The following CTNND2 variants were observed in gnomAD, a reference collection of about 807,000 sequenced individuals.
CTNND2 encodes the protein catenin delta-2.
Under a neutral mutation model 144.4 loss-of-function variants are expected in CTNND2, and 22 were observed. That is an observed-to-expected ratio of 0.15 (90% CI 0.11 to 0.22). The LOEUF is 0.22. CTNND2 is among the 10% of genes least tolerant of loss of function. CTNND2 has a pLI of 1.00. For synonymous variants in CTNND2, 751 were observed against 695.6 expected (o/e 1.08, Z -1.25); for missense variants, 1,353 against 1,618.8 (o/e 0.84, Z 2.82).
chr5:11,036,572 C>T (rs1025855943), intron 16 of CTNND2, among the ~76,000 whole-genome samples: 1 of 152,170 alleles, frequency 6.6e-6, no homozygotes. Flanking sequence ...AGGTGCCCAC[C>T]ACCAAGCCTG....
chr5:11,520,479 G>A (rs951213328), intron 3 of CTNND2, among the ~76,000 whole-genome samples: 13 of 152,246 alleles, frequency 8.5e-5, no homozygotes, highest in Non-Finnish European at 1.6e-4. Context: ...TGGGGGCAGA[G>A]TGAGGTGCGT....
At chr5:11,095,628 C>A (rs1165895014) in intron 15 of CTNND2, among the ~76,000 whole-genome samples, 1 of 152,190 alleles carries the variant, frequency 6.6e-6, no homozygotes, top group Non-Finnish European at 1.5e-5. Flanking sequence ...CCATAAGGGG[C>A]GTACAGACTA....
At chr5:10,993,362 A>G (rs1738926436) in intron 18 of CTNND2, among the ~76,000 whole-genome samples, 1 of 152,248 alleles carries the variant, frequency 6.6e-6, no homozygotes, top group Non-Finnish European at 1.5e-5. Flanking sequence ...GTGAATTTAC[A>G]AAGCATAAAG....
At chr5:11,129,955 A>G (rs1490269708) in intron 12 of CTNND2, among the ~76,000 whole-genome samples, 2 of 152,122 alleles carry the variant, frequency 1.3e-5, no homozygotes, top group African/African-American at 4.8e-5. Context: ...CTCTCTCTCC[A>G]TATGTGTTTT....
At position 11,410,728 on chromosome 5, in the gene CTNND2, G is replaced by A. The variant is rs1448507196; in HGVS notation, c.439+808C>T. Among the ~76,000 whole-genome samples, 3 of 152,070 alleles carry A rather than the reference G, an allele frequency of 2.0e-5. No homozygotes were observed. The East Asian group carries it at 5.8e-4, about 29-fold the overall frequency. ...ATGCAAGATGGTTAAATACAGAAAT[G>A]TAAGAATTTATTGCATAGTACCTTA... On this transcript the variant is annotated intron_variant, in intron 5 of 21. Coordinates refer to ENST00000304623, the MANE Select transcript of CTNND2 (RefSeq NM_001332.4).
intron 2 of CTNND2, among the ~76,000 whole-genome samples, chr5:11,663,418 C>T (rs1295099979): frequency 6.6e-6 from 1 of 152,100 alleles, no homozygotes; most frequent in African/African-American, 2.4e-5. Context: ...AGTTATATAA[C>T]TATTAAGGTG....
intron 2 of CTNND2, among the ~76,000 whole-genome samples, chr5:11,691,433 G>A (rs1784906044): frequency 2.0e-5 from 3 of 151,110 alleles, no homozygotes; most frequent in Admixed American, 2.0e-4. Context: ...GAAATGATAT[G>A]TCTGGCTAAC....
At position 10,987,973 on chromosome 5, in the gene CTNND2, C is replaced by G. The variant is rs540761305; in HGVS notation, c.3343+138G>C. 282 of 1,081,466 alleles carry G rather than the reference C, an allele frequency of 2.6e-4. 1 individual carries two copies. The African/African-American group carries it at 3.8e-3, about 15-fold the overall frequency. 67.0% of individuals were successfully genotyped at this position (1,081,466 alleles called of 1,614,324 possible). A position where few individuals can be genotyped will look rare whatever the true frequency, so the allele number is the denominator to read the frequency against. ...TCTTGGAAATCATCATTATCAAGCTCTCAAGTGACTGGACAGCTGCTAAGT... is the reference window on the plus strand; with the variant it reads ...TCTTGGAAATCATCATTATCAAGCTGTCAAGTGACTGGACAGCTGCTAAGT... On this transcript the variant is annotated intron_variant, in intron 20 of 21. Transcript: ENST00000304623.
At chr5:11,763,965 T>C (rs1789431001) in intron 1 of CTNND2, among the ~76,000 whole-genome samples, 1 of 151,910 alleles carries the variant, frequency 6.6e-6, no homozygotes. Context: ...GTGAATATAT[T>C]ATGTTAAATG....
chr5:11,014,323 G>C (rs956735690), intron 18 of CTNND2, among the ~76,000 whole-genome samples: 2 of 152,062 alleles, frequency 1.3e-5, no homozygotes, highest in Admixed American at 1.3e-4. Context: ...TAAGTCCCAA[G>C]GTTCTAAAAA....
At chr5:11,439,574 T>A (rs1764062699) in intron 3 of CTNND2, among the ~76,000 whole-genome samples, 3 of 152,114 alleles carry the variant, frequency 2.0e-5, no homozygotes. Flanking sequence ...ACTCTGTTGC[T>A]CAGGCTGGAG....
At chr5:11,873,495 G>A (rs1420858968) in intron 1 of CTNND2, among the ~76,000 whole-genome samples, 1 of 152,118 alleles carries the variant, frequency 6.6e-6, no homozygotes, top group Non-Finnish European at 1.5e-5. Context: ...ATCTTTCAAG[G>A]TGAACTGGAT....
chr5:11,812,959 C>T (rs1443071041), intron 1 of CTNND2, among the ~76,000 whole-genome samples: 2 of 152,040 alleles, frequency 1.3e-5, no homozygotes, highest in Non-Finnish European at 2.9e-5. Context: ...CAAACTATCA[C>T]CCCCCACACA....
intron 2 of CTNND2, among the ~76,000 whole-genome samples, chr5:11,583,034 G>A (rs1778561556): frequency 6.6e-6 from 1 of 152,164 alleles, no homozygotes; most frequent in Admixed American, 6.5e-5. Context: ...TTTAAGCAAG[G>A]CTGATAAAGT....
At chr5:11,774,361 G>A (rs1790119468) in intron 1 of CTNND2, among the ~76,000 whole-genome samples, 1 of 138,818 alleles carries the variant, frequency 7.2e-6, no homozygotes, top group Non-Finnish European at 1.5e-5. Context: ...GAGATCACAT[G>A]GACACAGGAA....
intron 16 of CTNND2, among the ~76,000 whole-genome samples, chr5:11,078,610 T>C (rs369416738): frequency 6.6e-6 from 1 of 152,122 alleles, no homozygotes; most frequent in East Asian, 1.9e-4. Flanking sequence ...TGTTATATTT[T>C]AATCCACCAA....
At chr5:11,266,701 T>C (rs568993903) in intron 9 of CTNND2, among the ~76,000 whole-genome samples, 7 of 152,358 alleles carry the variant, frequency 4.6e-5, no homozygotes, top group African/African-American at 1.7e-4. Flanking sequence ...CAATTCAGAC[T>C]GCAAGAGAGA....
At chr5:11,215,975 C>A (rs1363532435) in intron 10 of CTNND2, among the ~76,000 whole-genome samples, 1 of 152,192 alleles carries the variant, frequency 6.6e-6, no homozygotes, top group Non-Finnish European at 1.5e-5. Context: ...ATAATCGACA[C>A]ATTTGCTTTC....
At chr5:11,848,242 C>T (rs1011669632) in intron 1 of CTNND2, among the ~76,000 whole-genome samples, 27 of 152,008 alleles carry the variant, frequency 1.8e-4, no homozygotes, top group Admixed American at 9.2e-4. Flanking sequence ...TAAAAAAGTA[C>T]GTCTTTCAAG....
Sources: gnomAD v4.1 joint callset for allele counts (sites outside exome capture counted in the v4.1 genomes callset) on GRCh38, gnomAD v4.1.1 for gene constraint, MANE v1.5 for transcripts, NCBI Gene and HGNC (gene_info 2026-07-23, HGNC 2026-07-21) for gene names.